INTS7: variants seen among roughly 807,000 people sequenced by gnomAD.
The protein encoded by INTS7 is integrator complex subunit 7.
In INTS7, 46 loss-of-function variants were observed where a neutral mutation model predicts 109.2. The observed-to-expected ratio is 0.42, with a 90% CI of 0.33 to 0.54. INTS7 has a LOEUF of 0.54. Ranked by LOEUF, INTS7 falls within the 20% of genes least tolerant of loss-of-function variation. The probability of loss-of-function intolerance (pLI) is 0.07; values close to 1 mark genes in which losing one functional copy is unlikely to be tolerated. For synonymous variants in INTS7, 412 were observed against 402.9 expected (o/e 1.02, Z -0.27); for missense variants, 929 against 1,132.4 (o/e 0.82, Z 2.58).
At chr1:211,973,156 G>A (rs1256513010) in intron 13 of INTS7, among the ~76,000 whole-genome samples, 1 of 152,056 alleles carries the variant, frequency 6.6e-6, no homozygotes, top group Non-Finnish European at 1.5e-5. Flanking sequence ...ACATTGCCCA[G>A]GCTGGTCTCA....
At chr1:211,955,193 TTGTC>T (rs1663307683) in intron 16 of INTS7, among the ~76,000 whole-genome samples, 2 of 152,144 alleles carry the variant, frequency 1.3e-5, no homozygotes, top group African/African-American at 4.8e-5. Context: ...GGCTCTCTGT[TTGTC>T]TGTTATTGGT....
intron 2 of INTS7, chr1:212,020,806 AC>A (rs1666657410): frequency 1.2e-6 from 1 of 862,866 alleles, no homozygotes; most frequent in Non-Finnish European, 1.5e-6. Flanking sequence ...AACAATCTGT[AC>A]AAAGACACAG....
rs1329734709 is a variant in INTS7, at chr1:212,020,220, C to G, written c.273G>C (p.Glu91Asp). 1 of 1,604,862 alleles carries G rather than the reference C, an allele frequency of 6.2e-7. No individual in the cohort carries two copies. The highest frequency in any genetic ancestry group is 8.5e-7 in the Non-Finnish European group (1 of 1,173,150). ...CATTTAGAATCTTCTCCAAATGTTTCTCACTTTGTTGGGTAACTTTAAGAA... is the reference window on the plus strand; with the variant it reads ...CATTTAGAATCTTCTCCAAATGTTTGTCACTTTGTTGGGTAACTTTAAGAA... ...LCVLKVTQQSEKHLEKILNVD... is the reference protein window; with the variant it reads ...LCVLKVTQQSDKHLEKILNVD... Residue 91 changes from glutamate to aspartate, a missense_variant, in exon 3 of 20, where the codon GAG becomes GAC. Transcript: ENST00000366994.
chr1:211,948,678 C>A (rs191743120), intron 17 of INTS7, among the ~76,000 whole-genome samples: 6 of 152,172 alleles, frequency 3.9e-5, no homozygotes, highest in Non-Finnish European at 7.4e-5. Context: ...GATCAGTAAA[C>A]CAGCAGAAAG....
chr1:212,005,814 T>C (rs1665880960), intron 7 of INTS7, among the ~76,000 whole-genome samples: 2 of 152,220 alleles, frequency 1.3e-5, no homozygotes, highest in Admixed American at 6.5e-5. Flanking sequence ...TAACTGCTTA[T>C]CTATTAAATG....
At chr1:211,956,371 A>G (rs1454476640) in intron 16 of INTS7, among the ~76,000 whole-genome samples, 2 of 152,172 alleles carry the variant, frequency 1.3e-5, no homozygotes, top group Non-Finnish European at 2.9e-5. Context: ...TTGATTTTCT[A>G]ATGTTAACCC....
chr1:212,028,214 A>G (rs548810930), intron 1 of INTS7, among the ~76,000 whole-genome samples: 70 of 152,222 alleles, frequency 4.6e-4, no homozygotes, highest in Non-Finnish European at 8.4e-4. Context: ...TTAGAAAACT[A>G]CTAGGCTGCT....
chr1:211,950,358 G>A (rs757521497), intron 17 of INTS7, among the ~76,000 whole-genome samples: 2 of 152,082 alleles, frequency 1.3e-5, no homozygotes, highest in South Asian at 2.1e-4. Flanking sequence ...TGCAACCTCC[G>A]CCTCCCGGGT....
At chr1:211,961,560 A>C (rs112785525) in intron 16 of INTS7, among the ~76,000 whole-genome samples, 9,414 of 151,734 alleles carry the variant, frequency 0.062, 442 homozygotes, top group African/African-American at 0.13. Flanking sequence ...CTCCTGAGTA[A>C]CTGGGATTAC....
intron 7 of INTS7, among the ~76,000 whole-genome samples, chr1:212,005,761 C>A (rs780126075): frequency 6.6e-6 from 1 of 152,190 alleles, no homozygotes; most frequent in Non-Finnish European, 1.5e-5. Flanking sequence ...TAATTTACTT[C>A]TCTTAAGATG....
intron 13 of INTS7, among the ~76,000 whole-genome samples, chr1:211,974,507 G>A (rs547630091): frequency 6.6e-6 from 1 of 151,828 alleles, no homozygotes; most frequent in South Asian, 2.1e-4. Flanking sequence ...TCATGTGACA[G>A]TATTTTTAAA....
At chr1:212,016,804 T>C (rs937995792) in intron 4 of INTS7, 82 bp downstream of exon 4, 8 of 1,080,904 alleles carry the variant, frequency 7.4e-6, no homozygotes, top group Non-Finnish European at 1.1e-5. Flanking sequence ...TCTCAGTGTT[T>C]ATATAAGTTG....
At chr1:211,997,565 A>ATGTTCATG (rs1329243722) in intron 7 of INTS7, among the ~76,000 whole-genome samples, 2 of 146,854 alleles carry the variant, frequency 1.4e-5, no homozygotes, top group Non-Finnish European at 3.0e-5. Flanking sequence ...GAGATGTACC[A>ATGTTCATG]TGTTCATGGA....
Position 211,952,629 on chromosome 1 carries a change from A to G in INTS7, c.2256T>C (p.Tyr752=), listed in dbSNP as rs1297223835. ...SEYERRMMSV[Y]NHVLEEVESL... ...ATTCTACCTCCTCCAAGACATGATT[A>G]TATACAGACATCATTCTTCTTTCAT... The change falls in exon 17 of 20, where the codon TAT becomes TAC. Residue 752 remains tyrosine, a synonymous_variant. Coordinates refer to ENST00000366994, the MANE Select transcript of INTS7 (RefSeq NM_015434.4). 2 of 1,612,064 alleles carry G rather than the reference A, an allele frequency of 1.2e-6. No individual in the cohort carries two copies.
At chr1:211,945,089 C>A (rs80101132) in intron 18 of INTS7, 120 bp from the exon 19 acceptor site, 1 of 836,560 alleles carries the variant, frequency 1.2e-6, no homozygotes, top group East Asian at 2.6e-5. Context: ...CCCCCACCCC[C>A]ACAGGACCTG....
At chr1:211,983,688 G>C (rs1664763208) in intron 8 of INTS7, among the ~76,000 whole-genome samples, 1 of 152,054 alleles carries the variant, frequency 6.6e-6, no homozygotes, top group Non-Finnish European at 1.5e-5. Context: ...AAGGGTGACC[G>C]TATTTTTTGA....
chr1:211,992,529 A>T (rs949272892), intron 7 of INTS7, among the ~76,000 whole-genome samples: 18 of 152,058 alleles, frequency 1.2e-4, no homozygotes, highest in Non-Finnish European at 1.9e-4. Flanking sequence ...AAAATTTTTT[A>T]AAAATTATCT....
chr1:211,980,966 T>C (rs1341941761), intron 10 of INTS7, 127 bp downstream of exon 10: 1 of 531,322 alleles, frequency 1.9e-6, no homozygotes, highest in East Asian at 3.0e-5. Context: ...TGTAGTTTTA[T>C]CAGTTAGATT....
Position 211,975,286 on chromosome 1 carries a change from C to T in INTS7, c.1695G>A (p.Leu565=), listed in dbSNP as rs1664369663. Residue 565 remains leucine, a synonymous_variant, in exon 13 of 20, where the codon TTG becomes TTA. Transcript: ENST00000366994. ...SEHFYFWLNS[L]KEFSHAEQCL... ...ACTGTTCTGCATGTGAAAACTCCTTCAAACTATTTAGCCAGAAGTAGAAAT... is the reference window on the plus strand; with the variant it reads ...ACTGTTCTGCATGTGAAAACTCCTTTAAACTATTTAGCCAGAAGTAGAAAT... 2.5e-6 allele frequency: 4 copies of T among 1,614,082 alleles called. No individual in the cohort carries two copies. The highest frequency in any genetic ancestry group is 3.4e-6 in the Non-Finnish European group (4 of 1,179,940).
Sources: allele counts gnomAD v4.1 joint callset (sites outside exome capture counted in the v4.1 genomes callset), GRCh38; gene constraint gnomAD v4.1.1; transcripts MANE v1.5; gene names NCBI Gene and HGNC (gene_info 2026-07-23, HGNC 2026-07-21).